The following NEDD4 variants were observed in gnomAD, a reference collection of about 807,000 sequenced individuals.
NEDD4 encodes NEDD4 E3 ubiquitin protein ligase.
Under a neutral mutation model 144.9 loss-of-function variants are expected in NEDD4, and 99 were observed. The observed-to-expected ratio is 0.68, with a 90% CI of 0.58 to 0.81. The LOEUF is 0.81. Among genes scored for constraint, NEDD4 ranks in the 30% least tolerant of loss-of-function variants. NEDD4 has a pLI of 0.00. For missense variants in NEDD4, 985 were observed against 1,065.9 expected (o/e 0.92, Z 1.06); for synonymous variants, 318 against 350.6 (o/e 0.91, Z 1.04).
At position 55,829,807 on chromosome 15, in the gene NEDD4, C is replaced by T; in HGVS notation, c.*90G>A. On this transcript the variant is annotated 3_prime_UTR_variant, in exon 29 of 29. Transcript: ENST00000435532. The stretch of plus-strand genomic sequence containing the variant: ...TCAAGATCTGGGAAGACTCAGTGGC[C>T]ACATTTTAGTAGTTCCCCGGAAAAT... 1 of 829,552 alleles carries T rather than the reference C, an allele frequency of 1.2e-6. No homozygotes were observed. The allele number at this position is 829,552 out of a possible 1,614,324, so 51.4% of individuals were successfully genotyped here.
intron 7 of NEDD4, among the ~76,000 whole-genome samples, chr15:55,870,523 CTTCTTCTTT>C (rs1188834814): frequency 1.8e-4 from 15 of 81,662 alleles, no homozygotes; most frequent in East Asian, 6.1e-4. Flanking sequence ...TCTTCTTCTT[CTTCTTCTTT>C]TTTTTTTTTT....
chr15:55,896,450 C>A (rs1161279939), intron 5 of NEDD4, among the ~76,000 whole-genome samples: 1 of 152,156 alleles, frequency 6.6e-6, no homozygotes, highest in Non-Finnish European at 1.5e-5. Flanking sequence ...TCCCAAAATG[C>A]TGGGATTACA....
intron 1 of NEDD4, among the ~76,000 whole-genome samples, chr15:55,980,290 T>G (rs1254827743): frequency 2.6e-5 from 4 of 152,182 alleles, no homozygotes; most frequent in Non-Finnish European, 5.9e-5. Context: ...TGGCGCACAG[T>G]AGGGGCTGAC....
chr15:55,936,181 C>T (rs766190670), intron 4 of NEDD4, among the ~76,000 whole-genome samples: 27 of 152,118 alleles, frequency 1.8e-4, no homozygotes, highest in Non-Finnish European at 2.9e-4. Flanking sequence ...TCCCCCAACC[C>T]TGTATTTACT....
At chr15:55,926,048 AGTATGTAAAATACATATACG>A (rs1339136060) in intron 4 of NEDD4, among the ~76,000 whole-genome samples, 1 of 152,042 alleles carries the variant, frequency 6.6e-6, no homozygotes, top group Non-Finnish European at 1.5e-5. Flanking sequence ...ATACATATAC[AGTATGTAAAATACATATACG>A]TATGTAAAAA....
At position 55,860,782 on chromosome 15, in the gene NEDD4, T is replaced by C; in HGVS notation, c.675-4A>G. 2 of 1,612,038 alleles carry C rather than the reference T, an allele frequency of 1.2e-6. No individual in the cohort carries two copies. Among genetic ancestry groups the C allele is most frequent in the South Asian group, 2.2e-5 (2 of 90,838 alleles). On this transcript the variant is annotated splice_region_variant and splice_polypyrimidine_tract_variant and intron_variant, in intron 9 of 28. Transcript: ENST00000435532. ...CTCAGCATCTGTTAGGTTGTCCCTA[T>C]ATTGGAAGTATAAAAAGCCATCATC...
chr15:55,872,730 A>G (rs1209409936), intron 6 of NEDD4, among the ~76,000 whole-genome samples: 1 of 152,204 alleles, frequency 6.6e-6, no homozygotes, highest in Non-Finnish European at 1.5e-5. Context: ...GCAGAAGAGA[A>G]TAAGCAGAAA....
intron 5 of NEDD4, among the ~76,000 whole-genome samples, chr15:55,899,303 T>G (rs796821818): frequency 1.2e-4 from 19 of 152,358 alleles, no homozygotes; most frequent in African/African-American, 4.6e-4. Flanking sequence ...TTATTAGTTT[T>G]TAAAAATGTA....
chr15:55,875,120 A>C (rs2142073578), intron 5 of NEDD4, among the ~76,000 whole-genome samples: 1 of 152,184 alleles, frequency 6.6e-6, no homozygotes, highest in Admixed American at 6.5e-5. Flanking sequence ...CAGTAGGAAG[A>C]GAAAAAGTAA....
chr15:55,879,257 T>G (rs865861550), intron 5 of NEDD4, among the ~76,000 whole-genome samples: 1 of 152,068 alleles, frequency 6.6e-6, no homozygotes, highest in Admixed American at 6.6e-5. Context: ...AGAGAATGAG[T>G]GAAAGTCCTA....
chr15:55,866,151 C>A (rs2034578714), intron 8 of NEDD4, among the ~76,000 whole-genome samples: 1 of 151,910 alleles, frequency 6.6e-6, no homozygotes, highest in East Asian at 1.9e-4. Context: ...TGGGCTCAAG[C>A]AATCCTCCTG....
At chr15:55,904,707 C>T (rs1226115566) in intron 5 of NEDD4, among the ~76,000 whole-genome samples, 3 of 152,102 alleles carry the variant, frequency 2.0e-5, no homozygotes, top group Admixed American at 2.0e-4. Flanking sequence ...TTGAGAAATA[C>T]GTTAAGGAAA....
intron 5 of NEDD4, among the ~76,000 whole-genome samples, chr15:55,877,904 T>A (rs1468445567): frequency 2.0e-5 from 3 of 152,182 alleles, no homozygotes; most frequent in African/African-American, 7.2e-5. Context: ...GGTTAGTTTT[T>A]GTGCATTTCT....
chr15:55,848,728 A>G, intron 15 of NEDD4, 78 bp downstream of exon 15: 2 of 1,360,750 alleles, frequency 1.5e-6, no homozygotes, highest in South Asian at 2.4e-5. Flanking sequence ...ATTATAGATG[A>G]TAAAGAAATA....
At chr15:55,992,667 C>A (rs1376002435) in intron 1 of NEDD4, among the ~76,000 whole-genome samples, 1 of 152,194 alleles carries the variant, frequency 6.6e-6, no homozygotes, top group African/African-American at 2.4e-5. Context: ...CAAGAACACA[C>A]AGAAGCCACA....
At chr15:55,868,508 T>C (rs544074638) in intron 8 of NEDD4, among the ~76,000 whole-genome samples, 2 of 152,332 alleles carry the variant, frequency 1.3e-5, no homozygotes, top group African/African-American at 2.4e-5. Flanking sequence ...GTTCTCATGA[T>C]AGTGAATAAG....
intron 1 of NEDD4, among the ~76,000 whole-genome samples, chr15:55,984,309 A>G (rs1420376233): frequency 6.6e-6 from 1 of 152,226 alleles, no homozygotes; most frequent in Non-Finnish European, 1.5e-5. Context: ...TTTGTTATGA[A>G]TATAACACTT....
intron 8 of NEDD4, among the ~76,000 whole-genome samples, chr15:55,867,478 C>T (rs2034625097): frequency 6.6e-6 from 1 of 152,258 alleles, no homozygotes; most frequent in African/African-American, 2.4e-5. Flanking sequence ...GAGCAGGTTA[C>T]TAAATAATGA....
intron 5 of NEDD4, among the ~76,000 whole-genome samples, chr15:55,913,972 T>C (rs2036352981): frequency 3.3e-5 from 5 of 151,968 alleles, no homozygotes; most frequent in Admixed American, 2.6e-4. Flanking sequence ...AACAGTTGAT[T>C]AGATTATAAT....
Sources: allele counts gnomAD v4.1 joint callset (sites outside exome capture counted in the v4.1 genomes callset), GRCh38; gene constraint gnomAD v4.1.1; transcripts MANE v1.5; gene names NCBI Gene and HGNC (gene_info 2026-07-23, HGNC 2026-07-21).